The following SOS2 variants were observed in gnomAD, a reference collection of about 807,000 sequenced individuals.
SOS2 encodes SOS Ras/Rho guanine nucleotide exchange factor 2, also known as son of sevenless homolog 2.
Under a neutral mutation model 148.2 loss-of-function variants are expected in SOS2, and 65 were observed. That is an observed-to-expected ratio of 0.44 (90% CI 0.36 to 0.54). The LOEUF (loss-of-function observed/expected upper bound fraction) is 0.54. SOS2 is among the 20% of genes least tolerant of loss of function. The pLI, the probability that SOS2 is intolerant of heterozygous loss-of-function variation, is 0.00. For missense variants in SOS2, 1,341 were observed against 1,590.2 expected (o/e 0.84, Z 2.67); for synonymous variants, 539 against 537.1 (o/e 1.00, Z -0.05).
At chr14:50,184,501 A>C (rs752296019) in intron 5 of SOS2, among the ~76,000 whole-genome samples, 32 of 152,158 alleles carry the variant, frequency 2.1e-4, no homozygotes, top group Non-Finnish European at 4.0e-4. Context: ...GGTTACTTAC[A>C]GTAGGGCCCC....
chr14:50,215,374 C>T (rs1210041209), intron 1 of SOS2: 1 of 1,278,298 alleles, frequency 7.8e-7, no homozygotes, highest in African/African-American at 1.5e-5. Context: ...AAAATCTCAC[C>T]CATAAATGCT....
chr14:50,200,947 TG>T lies in SOS2; in HGVS notation c.345+5del, dbSNP rs753053836. ...ACCCCCCAACTAATGTTTAATCTTT[TG>T]TTACCTTCAACGAAGGATGGATTTT... is the stretch of plus-strand genomic sequence containing the variant. On this transcript the variant is annotated splice_donor_5th_base_variant and intron_variant, in intron 3 of 22. Transcript: ENST00000216373. 1 of 1,613,378 alleles carries T rather than the reference TG, an allele frequency of 6.2e-7. No homozygotes were observed. Among genetic ancestry groups the T allele is most frequent in the East Asian group, 2.2e-5 (1 of 44,848 alleles).
chr14:50,146,942 C>G (rs1271988283), intron 14 of SOS2, among the ~76,000 whole-genome samples: 1 of 151,990 alleles, frequency 6.6e-6, no homozygotes, highest in African/African-American at 2.4e-5. Flanking sequence ...CACCTATAAT[C>G]CCAGCTACTT....
intron 1 of SOS2, among the ~76,000 whole-genome samples, chr14:50,210,119 A>G (rs548117117): frequency 1.3e-5 from 2 of 152,370 alleles, no homozygotes; most frequent in East Asian, 3.9e-4. Context: ...AGGAAGTACA[A>G]GGATTTGCTC....
chr14:50,231,120 G>T, intron 1 of SOS2, 77 bp downstream of exon 1: 1 of 905,332 alleles, frequency 1.1e-6, no homozygotes, highest in Non-Finnish European at 1.5e-6. Context: ...GAGCCCTGTG[G>T]GAGGGACGAC....
chr14:50,141,403 C>T (rs1195598360), intron 16 of SOS2, among the ~76,000 whole-genome samples: 9 of 151,526 alleles, frequency 5.9e-5, no homozygotes. Flanking sequence ...TGCCTATAGT[C>T]CCCACTACTC....
chr14:50,133,149 G>T (rs1437640030), intron 19 of SOS2, among the ~76,000 whole-genome samples: 1 of 151,504 alleles, frequency 6.6e-6, no homozygotes, highest in African/African-American at 2.4e-5. Context: ...CTTATGTTGG[G>T]AAATAAAGTT....
rs74878949 is a variant in SOS2 at position 50,206,532 on chromosome 14, A to G, written c.88-2123T>C. ...GTTATATTGTATTGTTTAGGAAATA[A>G]TGACAAGAGAAAAGTCTGTATGTGT... On this transcript the variant is annotated intron_variant, in intron 1 of 22. Coordinates refer to ENST00000216373, the MANE Select transcript of SOS2 (RefSeq NM_006939.4). Among the ~76,000 whole-genome samples the G allele has an allele frequency of 3.3e-3, 498 of 152,360 alleles. 3 individuals carry two copies. Among genetic ancestry groups the G allele is most frequent in the African/African-American group, 0.011 (472 of 41,586 alleles).
chr14:50,163,836 A>G (rs371954358), intron 8 of SOS2, among the ~76,000 whole-genome samples: 1 of 152,188 alleles, frequency 6.6e-6, no homozygotes, highest in East Asian at 1.9e-4. Flanking sequence ...ACCAGTAGTG[A>G]TATCCTACCA....
At chr14:50,208,940 A>G (rs566637963) in intron 1 of SOS2, among the ~76,000 whole-genome samples, 91 of 152,324 alleles carry the variant, frequency 6.0e-4, no homozygotes, top group Admixed American at 1.8e-3. Context: ...CTGTCAGGGT[A>G]TCTCTGGAGG....
chr14:50,135,608 T>A (rs1489523628), intron 18 of SOS2, among the ~76,000 whole-genome samples: 1 of 147,694 alleles, frequency 6.8e-6, no homozygotes, highest in Non-Finnish European at 1.5e-5. Context: ...CTTTCTGAAG[T>A]TTATATTCAA....
intron 18 of SOS2, among the ~76,000 whole-genome samples, chr14:50,138,117 A>G (rs1884143803): frequency 6.6e-6 from 1 of 151,832 alleles, no homozygotes; most frequent in Non-Finnish European, 1.5e-5. Flanking sequence ...CTGTGATTAC[A>G]GGCGTGAGCC....
At chr14:50,167,235 TG>T (rs1885196858) in intron 8 of SOS2, among the ~76,000 whole-genome samples, 3 of 152,324 alleles carry the variant, frequency 2.0e-5, no homozygotes, top group African/African-American at 7.2e-5. Flanking sequence ...ATCCTCTTTA[TG>T]GTCTTTTTTA....
At chr14:50,206,330 G>C (rs894205278) in intron 1 of SOS2, among the ~76,000 whole-genome samples, 6 of 152,152 alleles carry the variant, frequency 3.9e-5, no homozygotes, top group Non-Finnish European at 8.8e-5. Flanking sequence ...TCATCCTTCA[G>C]TGTCTGTGGG....
intron 1 of SOS2, among the ~76,000 whole-genome samples, chr14:50,210,633 C>T (rs1308718663): frequency 6.6e-6 from 1 of 151,596 alleles, no homozygotes; most frequent in African/African-American, 2.4e-5. Context: ...ATATGTAGTA[C>T]ATGTAACAAA....
At chr14:50,183,631 A>C (rs1885816008) in intron 5 of SOS2, among the ~76,000 whole-genome samples, 1 of 152,208 alleles carries the variant, frequency 6.6e-6, no homozygotes, top group Non-Finnish European at 1.5e-5. Flanking sequence ...GAGTGTTTTA[A>C]AACTGGCTGA....
chr14:50,137,571 C>G (rs1193457979), intron 18 of SOS2, among the ~76,000 whole-genome samples: 2 of 152,096 alleles, frequency 1.3e-5, no homozygotes, highest in East Asian at 1.9e-4. Flanking sequence ...ATGCTATCTA[C>G]TGATTAATTT....
intron 8 of SOS2, among the ~76,000 whole-genome samples, chr14:50,166,613 T>A (rs112389815): frequency 6.6e-6 from 1 of 152,212 alleles, no homozygotes; most frequent in African/African-American, 2.4e-5. Flanking sequence ...TGTCTATAAG[T>A]GTATCCTGTC....
At chr14:50,189,099 A>ACACG (rs1448610919) in intron 4 of SOS2, among the ~76,000 whole-genome samples, 1 of 148,440 alleles carries the variant, frequency 6.7e-6, no homozygotes, top group Non-Finnish European at 1.5e-5. Flanking sequence ...ACACACACAC[A>ACACG]CACGCACACA....
Sources: gnomAD v4.1 joint callset for allele counts (sites outside exome capture counted in the v4.1 genomes callset) on GRCh38, gnomAD v4.1.1 for gene constraint, MANE v1.5 for transcripts, NCBI Gene and HGNC (gene_info 2026-07-23, HGNC 2026-07-21) for gene names.